The following FAP variants were observed in gnomAD, a reference collection of about 807,000 sequenced individuals.
The protein encoded by FAP is fibroblast activation protein alpha, also known as prolyl endopeptidase FAP.
Under a neutral mutation model 126.5 loss-of-function variants are expected in FAP, and 110 were observed. That is an observed-to-expected ratio of 0.87 (90% CI 0.74 to 1.02). The LOEUF (loss-of-function observed/expected upper bound fraction) is 1.02, where lower values mean the gene tolerates loss of function less well. FAP is among the 50% of genes least tolerant of loss of function. FAP has a pLI of 0.00. For missense variants in FAP, 919 were observed against 909.2 expected (o/e 1.01, Z -0.14); for synonymous variants, 334 against 297.3 (o/e 1.12, Z -1.27).
At chr2:162,229,904 T>C (rs540669125) in intron 2 of FAP, among the ~76,000 whole-genome samples, 4 of 152,196 alleles carry the variant, frequency 2.6e-5, no homozygotes, top group Non-Finnish European at 4.4e-5. Context: ...ATTGTACTAC[T>C]AATTGCCATA....
At chr2:162,220,261 A>C (rs1689334159) in intron 6 of FAP, among the ~76,000 whole-genome samples, 1 of 152,220 alleles carries the variant, frequency 6.6e-6, no homozygotes, top group Non-Finnish European at 1.5e-5. Flanking sequence ...ATAGAAAGTA[A>C]ATATGAGGTT....
At chr2:162,191,634 AT>A (rs760967556) in intron 17 of FAP, among the ~76,000 whole-genome samples, 17 of 152,118 alleles carry the variant, frequency 1.1e-4, no homozygotes, top group Non-Finnish European at 2.2e-4. Context: ...GATGGATCTT[AT>A]ACTTGATTTC....
intron 6 of FAP, among the ~76,000 whole-genome samples, chr2:162,220,997 A>G (rs1689365067): frequency 6.6e-6 from 1 of 152,120 alleles, no homozygotes. Context: ...TGCCTTTCCC[A>G]TTCTTTTAAT....
intron 5 of FAP, among the ~76,000 whole-genome samples, 160 bp from the exon 6 acceptor site, chr2:162,223,820 A>T (rs1457498861): frequency 1.3e-5 from 2 of 152,222 alleles, no homozygotes; most frequent in Admixed American, 1.3e-4. Context: ...ATGAGTCTTC[A>T]TTTAAAGAGT....
intron 22 of FAP, among the ~76,000 whole-genome samples, chr2:162,173,996 G>A (rs1687401076): frequency 6.6e-6 from 1 of 152,148 alleles, no homozygotes; most frequent in African/African-American, 2.4e-5. Flanking sequence ...AAGTATGAAG[G>A]AAGAGATTAT....
At chr2:162,185,071 C>T (rs913031855) in intron 20 of FAP, among the ~76,000 whole-genome samples, 1 of 152,116 alleles carries the variant, frequency 6.6e-6, no homozygotes, top group Non-Finnish European at 1.5e-5. Flanking sequence ...ACTTCCAGAC[C>T]AACGAGGCAC....
chr2:162,188,226 T>C lies in FAP; in HGVS notation c.1757A>G (p.Tyr586Cys), dbSNP rs776884909. Residue 586 changes from tyrosine (Y) to cysteine (C), a missense_variant, in exon 20 of 26, where the codon TAT becomes TGT. Transcript: ENST00000188790. The part of the protein sequence containing the change: ...GTAFQGDKLL[Y>C]AVYRKLGVYE... ...AACACCCAGCTTTCGATACACTGCA[T>C]AGAGGAGTTTGTCACCTTGGAAAGC... 9 of 1,613,252 alleles carry C rather than the reference T, an allele frequency of 5.6e-6. No homozygotes were observed. Among genetic ancestry groups the C allele is most frequent in the African/African-American group, 4.0e-5 (3 of 74,864 alleles).
At chr2:162,177,751 C>T (rs891637901) in intron 21 of FAP, among the ~76,000 whole-genome samples, 3 of 152,130 alleles carry the variant, frequency 2.0e-5, no homozygotes, top group African/African-American at 7.2e-5. Context: ...TTCCCAACTC[C>T]ATAAGGGTAG....
chr2:162,189,178 A>AG lies in FAP; in HGVS notation c.1550-7dup. 1 of 1,582,088 alleles carries AG rather than the reference A, an allele frequency of 6.3e-7. No homozygotes were observed. Among genetic ancestry groups the AG allele is most frequent in the South Asian group, 1.2e-5 (1 of 86,000 alleles). ...AATCATCTTGTACCATAAAGCTTTG[A>AG]GGAAAAAAAAAGGAGAAAAATCTTC... is the stretch of plus-strand genomic sequence containing the variant. On this transcript the variant is annotated splice_region_variant and splice_polypyrimidine_tract_variant and intron_variant, in intron 18 of 25. Coordinates refer to ENST00000188790, the MANE Select transcript of FAP (RefSeq NM_004460.5).
intron 17 of FAP, among the ~76,000 whole-genome samples, chr2:162,191,100 G>A (rs1416698866): frequency 2.0e-5 from 3 of 152,042 alleles, no homozygotes; most frequent in East Asian, 1.9e-4. Context: ...AGCTGCCATC[G>A]ATAAAGAGAC....
chr2:162,194,718 T>C lies in FAP; in HGVS notation c.1433A>G (p.Asp478Gly). The change falls in exon 17 of 26, where the codon GAT (aspartate) becomes GGT (glycine). Residue 478 changes from aspartate to glycine, a missense_variant. Coordinates refer to ENST00000188790, the MANE Select transcript of FAP (RefSeq NM_004460.5). Reference protein sequence around the residue: ...GPGIPISTLHDGRTDQEIKIL... With the variant: ...GPGIPISTLHGGRTDQEIKIL... ...GAGAGTACCTTGATCAGTGCGTCCA[T>C]CATGAAGGGTGGAAATGGGGATGCC... The C allele has an allele frequency of 6.2e-7, 1 of 1,613,632 alleles. No individual in the cohort carries two copies. The highest frequency in any genetic ancestry group is 8.5e-7 in the Non-Finnish European group (1 of 1,179,698).
intron 12 of FAP, among the ~76,000 whole-genome samples, chr2:162,205,348 C>T (rs1182994416): frequency 6.6e-6 from 1 of 151,992 alleles, no homozygotes; most frequent in Non-Finnish European, 1.5e-5. Flanking sequence ...AATTAATAAC[C>T]AAGAGGCCCA....
At chr2:162,205,602 C>T (rs891943721) in intron 12 of FAP, among the ~76,000 whole-genome samples, 16 of 151,956 alleles carry the variant, frequency 1.1e-4, no homozygotes, top group African/African-American at 3.1e-4. Context: ...CAACCTCTGT[C>T]GCCCGGGCAC....
chr2:162,174,292 C>T (rs1314169617), intron 22 of FAP, among the ~76,000 whole-genome samples: 1 of 151,830 alleles, frequency 6.6e-6, no homozygotes, highest in Admixed American at 6.6e-5. Context: ...TTATTTCTGC[C>T]CCAATATAGA....
At position 162,226,546 on chromosome 2, in the gene FAP, G is replaced by A. The variant is rs927115364; in HGVS notation, c.167C>T (p.Thr56Ile). ...DILNGTFSYK[T>I]FFPNWISGQE... ...ACCTGAAATCCAGTTTGGAAAAAAT[G>A]TTTTATAAGAAAATGTTCCATTTAA... Residue 56 changes from threonine to isoleucine, a missense_variant, in exon 3 of 26, where the codon ACA becomes ATA. Coordinates refer to ENST00000188790, the MANE Select transcript of FAP (RefSeq NM_004460.5). 7 of 1,578,286 alleles carry A rather than the reference G, an allele frequency of 4.4e-6. No individual in the cohort carries two copies. The highest frequency in any genetic ancestry group is 2.7e-5 in the African/African-American group (2 of 73,800).
chr2:162,182,084 G>C (rs1375827099), intron 21 of FAP, among the ~76,000 whole-genome samples: 1 of 152,134 alleles, frequency 6.6e-6, no homozygotes, highest in Non-Finnish European at 1.5e-5. Context: ...AACTAGATGT[G>C]GTGAGAATCT....
At chr2:162,216,317 A>G (rs1470834102) in intron 9 of FAP, among the ~76,000 whole-genome samples, 1 of 152,206 alleles carries the variant, frequency 6.6e-6, no homozygotes, top group Non-Finnish European at 1.5e-5. Context: ...GATTTCCAAG[A>G]CAGATCTCTC....
chr2:162,202,137 G>T (rs1688522950), intron 14 of FAP, among the ~76,000 whole-genome samples: 1 of 152,208 alleles, frequency 6.6e-6, no homozygotes, highest in African/African-American at 2.4e-5. Flanking sequence ...ATCCCTAGAT[G>T]CAGACTGTAT....
At chr2:162,183,665 C>G (rs1358147240) in intron 20 of FAP, 197 bp from the exon 21 acceptor site, 1 of 517,352 alleles carries the variant, frequency 1.9e-6, no homozygotes, top group South Asian at 2.3e-5. Context: ...AAAGGATTCC[C>G]TTAGACTCTG....
Sources: allele counts gnomAD v4.1 joint callset (sites outside exome capture counted in the v4.1 genomes callset), GRCh38; gene constraint gnomAD v4.1.1; transcripts MANE v1.5; gene names NCBI Gene and HGNC (gene_info 2026-07-23, HGNC 2026-07-21).